PTPRS: variants seen among roughly 807,000 people sequenced by gnomAD.
PTPRS encodes protein tyrosine phosphatase receptor type S, also known as receptor-type tyrosine-protein phosphatase S.
In PTPRS, 63 loss-of-function variants were observed where a neutral mutation model predicts 215.3. The ratio of observed to expected loss-of-function variants is 0.29; its 90% CI spans 0.24 to 0.36. The LOEUF (loss-of-function observed/expected upper bound fraction) is 0.36, where lower values mean the gene tolerates loss of function less well. Among genes scored for constraint, PTPRS ranks in the 10% least tolerant of loss-of-function variants. The probability of loss-of-function intolerance (pLI) is 1.00; values close to 1 mark genes in which losing one functional copy is unlikely to be tolerated. For missense variants in PTPRS, 2,258 were observed against 2,825.8 expected, an observed-to-expected ratio of 0.80 and a Z score of 4.56; for synonymous variants, 1,404 against 1,191.4, an observed-to-expected ratio of 1.18 and a Z score of -3.68.
chr19:5,207,235 C>T (rs545322055), intron 37 of PTPRS, among the ~76,000 whole-genome samples: 1 of 152,342 alleles, frequency 6.6e-6, no homozygotes, highest in African/African-American at 2.4e-5. Context: ...CAGGCGTGTA[C>T]CACCATGCCC....
intron 8 of PTPRS, among the ~76,000 whole-genome samples, chr19:5,256,937 C>A (rs964305170): frequency 2.6e-5 from 4 of 151,856 alleles, no homozygotes; most frequent in African/African-American, 9.7e-5. Context: ...TGGTACTTCG[C>A]ATGGGGGAAA....
At chr19:5,270,646 TTTTTC>T (rs1325165463) in intron 4 of PTPRS, among the ~76,000 whole-genome samples, 4 of 151,962 alleles carry the variant, frequency 2.6e-5, no homozygotes, top group Non-Finnish European at 2.9e-5. Flanking sequence ...GCCTTTCTTT[TTTTTC>T]TTTTGAGATG....
Position 5,223,004 on chromosome 19 carries a change from C to T in PTPRS, c.2788G>A (p.Gly930Ser), listed in dbSNP as rs1416848107. The T allele has an allele frequency of 2.6e-6, 4 of 1,542,010 alleles. No homozygotes were observed. The Admixed American group carries it at 7.8e-5, about 30-fold the overall frequency. The change falls in exon 18 of 38, where the codon GGC (glycine) becomes AGC (serine). Residue 930 changes from glycine to serine, a missense_variant. Physicochemically the swap from Gly to Ser is moderately conservative, Grantham distance 56. Around this residue, in one of 6 missense-constraint regions of PTPRS, gnomAD observed 361 missense variants for 332.6 expected, o/e 1.09. Coordinates refer to ENST00000262963, the MANE Select transcript of PTPRS (RefSeq NM_002850.4). ...GCCGCCTCCAGAATCTGCGGGTGGC[C>T]ACGGGGCGTGTCCTCCGGGATGCTC... is the stretch of plus-strand genomic sequence containing the variant. Reference protein sequence around the residue: ...VLSIPEDTPRGHPQILEAAGN... With the variant: ...VLSIPEDTPRSHPQILEAAGN...
chr19:5,273,861 G>A (rs2047131751), intron 3 of PTPRS, among the ~76,000 whole-genome samples: 1 of 152,234 alleles, frequency 6.6e-6, no homozygotes, highest in Non-Finnish European at 1.5e-5. Context: ...GGCATGCAAA[G>A]GCATGTGAAG....
At chr19:5,307,797 G>C (rs2049547648) in intron 1 of PTPRS, among the ~76,000 whole-genome samples, 1 of 152,228 alleles carries the variant, frequency 6.6e-6, no homozygotes, top group Non-Finnish European at 1.5e-5. Flanking sequence ...CGTAGACGGA[G>C]ACCATTTTTA....
Position 5,223,083 on chromosome 19 carries a change from G to T in PTPRS, c.2709C>A (p.Phe903Leu), listed in dbSNP as rs2042151620. Residue 903 changes from phenylalanine (F) to leucine (L), a missense_variant, in exon 18 of 38, where the codon TTC (phenylalanine) becomes TTA (leucine). By Grantham distance (22) the Phe-to-Leu change is conservative. Transcript: ENST00000262963. ...SGVHKGATYV[F>L]RLAARSRGGL... Reference sequence around the variant, plus strand: ...CGCCGCGGCTCCGGGCCGCAAGCCGGAACACATACGTGGCCCCCTTGTGCA... The same window carrying T: ...CGCCGCGGCTCCGGGCCGCAAGCCGTAACACATACGTGGCCCCCTTGTGCA... The T allele has an allele frequency of 1.9e-6, 3 of 1,560,808 alleles. No individual in the cohort carries two copies. The highest frequency in any genetic ancestry group is 1.4e-5 in the African/African-American group (1 of 73,622).
chr19:5,254,610 G>A (rs530612066), intron 9 of PTPRS, among the ~76,000 whole-genome samples: 44 of 152,268 alleles, frequency 2.9e-4, no homozygotes, highest in Non-Finnish European at 5.3e-4. Context: ...CAGGGGAGAG[G>A]CTGTGTCCAA....
At chr19:5,264,759 G>A (rs1332164274) in intron 5 of PTPRS, among the ~76,000 whole-genome samples, 2 of 152,072 alleles carry the variant, frequency 1.3e-5, no homozygotes, top group East Asian at 3.9e-4. Context: ...TCATTGGCCA[G>A]GTGTTGAAGC....
intron 1 of PTPRS, among the ~76,000 whole-genome samples, chr19:5,307,769 G>C (rs771297730): frequency 1.3e-4 from 20 of 152,188 alleles, no homozygotes; most frequent in Admixed American, 9.8e-4. Flanking sequence ...TTCGGCTCAG[G>C]GCGACTGTAC....
chr19:5,210,875 CG>C lies in PTPRS; in HGVS notation c.5235-71del. 6.4e-7 allele frequency: 1 copy of C among 1,559,412 alleles called. No homozygotes were observed. The highest frequency in any genetic ancestry group is 1.3e-5 in the African/African-American group (1 of 74,398). On this transcript the variant is annotated intron_variant, in intron 33 of 37. Coordinates refer to ENST00000262963, the MANE Select transcript of PTPRS (RefSeq NM_002850.4). The surrounding 1 kb of genome is among the most constrained non-coding windows in gnomAD (Gnocchi z 4.5). The stretch of plus-strand genomic sequence containing the variant: ...GGCGTGGTACTCACCTGATGCTGCC[CG>C]GGAGGGTCAGGACCAAGCCAGTGAC...
chr19:5,208,172 G>A, intron 36 of PTPRS, 65 bp downstream of exon 36: 2 of 1,560,746 alleles, frequency 1.3e-6, no homozygotes, highest in Non-Finnish European at 1.7e-6. Flanking sequence ...TAAGCTTGGG[G>A]CTGTCCCCAC....
chr19:5,316,068 C>A (rs534005473), intron 1 of PTPRS, among the ~76,000 whole-genome samples: 45 of 151,902 alleles, frequency 3.0e-4, no homozygotes, highest in Non-Finnish European at 5.7e-4. Context: ...CAGGCACACA[C>A]CATCACACCT....
chr19:5,262,439 T>C (rs1475305458), intron 6 of PTPRS, among the ~76,000 whole-genome samples: 1 of 152,100 alleles, frequency 6.6e-6, no homozygotes, highest in Non-Finnish European at 1.5e-5. Flanking sequence ...TAGTATGAAT[T>C]AGTCCCACAA....
At chr19:5,309,662 T>C (rs1379811567) in intron 1 of PTPRS, among the ~76,000 whole-genome samples, 2 of 152,130 alleles carry the variant, frequency 1.3e-5, no homozygotes, top group African/African-American at 2.4e-5. Flanking sequence ...TTCTCCGTCT[T>C]TACCGATGTT....
At chr19:5,206,878 T>G in intron 37 of PTPRS, 36 bp from the exon 38 acceptor site, 1 of 1,591,970 alleles carries the variant, frequency 6.3e-7, no homozygotes, top group Admixed American at 1.7e-5. Context: ...GTACCTCCGC[T>G]GCTCTAACGC....
chr19:5,318,482 G>T lies in PTPRS; in HGVS notation c.-95+22182C>A, dbSNP rs2049939277. 2.6e-5 allele frequency among the ~76,000 whole-genome samples: 4 copies of T among 152,184 alleles called. No homozygotes were observed. The South Asian group carries it at 8.3e-4, about 32-fold the overall frequency. On this transcript the variant is annotated intron_variant, in intron 1 of 37. Coordinates refer to ENST00000262963, the MANE Select transcript of PTPRS (RefSeq NM_002850.4). ...GGCCATGCTGTGTGACCCTGGGCAG[G>T]TGACTCGACTCTCTAGGCCTCAGTT...
chr19:5,231,835 G>A (rs1297946148), intron 13 of PTPRS, among the ~76,000 whole-genome samples: 1 of 152,152 alleles, frequency 6.6e-6, no homozygotes, highest in Non-Finnish European at 1.5e-5. Context: ...GGGCTGGGAG[G>A]GCTGGCCAAG....
chr19:5,220,563 T>G (rs565373683), intron 20 of PTPRS, among the ~76,000 whole-genome samples: 24 of 152,338 alleles, frequency 1.6e-4, no homozygotes, highest in Non-Finnish European at 2.9e-4. Context: ...GTAGAAGGCT[T>G]ACTTCATGTA....
In PTPRS at chr19:5,219,946, C is replaced by T. The variant is rs777238128; in HGVS notation, c.3758G>A (p.Ser1253Asn). The part of the protein sequence containing the change: ...VLFVLAVLQK[S>N]EPTFAASPFS... ...ACACCATTCAGGACTTACAGGCTCGCTCTTCTGAAGCACGGCAAGCACGAA... is the reference window on the plus strand; with the variant it reads ...ACACCATTCAGGACTTACAGGCTCGTTCTTCTGAAGCACGGCAAGCACGAA... The change falls in exon 22 of 38, where the codon AGC becomes AAC. Residue 1253 changes from serine to asparagine, a missense_variant. Physicochemically the swap from Ser to Asn is conservative, Grantham distance 46 (BLOSUM62 1). Coordinates refer to ENST00000262963, the MANE Select transcript of PTPRS (RefSeq NM_002850.4). The T allele has an allele frequency of 5.6e-6, 9 of 1,613,614 alleles. No individual in the cohort carries two copies. In the South Asian group the frequency reaches 9.9e-5, roughly 18 times the overall value.
Sources: gnomAD v4.1 joint callset for allele counts (sites outside exome capture counted in the v4.1 genomes callset) on GRCh38, gnomAD v4.1.1 for gene constraint, gnomAD v4.1.1 regional missense constraint, Gnocchi (gnomAD v3.1) non-coding constraint, MANE v1.5 for transcripts, NCBI Gene and HGNC (gene_info 2026-07-23, HGNC 2026-07-21) for gene names.